Variants in ADARB2 observed in about 807,000 individuals in gnomAD.
The protein encoded by ADARB2 is inactive double-stranded RNA-specific editase B2.
Under a neutral mutation model 62.2 loss-of-function variants are expected in ADARB2, and 25 were observed. The ratio of observed to expected loss-of-function variants is 0.40; its 90% confidence interval spans 0.29 to 0.56. The LOEUF is 0.56. ADARB2 is among the 20% of genes least tolerant of loss of function. The pLI, the probability that ADARB2 is intolerant of heterozygous loss-of-function variation, is 0.43. For synonymous variants in ADARB2, 572 were observed against 500.8 expected (o/e 1.14, Z -1.90); for missense variants, 1,071 against 1,077.4 (o/e 0.99, Z 0.08).
In ADARB2 at chr10:1,466,459, C is replaced by T. The variant is rs571523955; in HGVS notation, c.101-87299G>A. Among the ~76,000 whole-genome samples, 47 of 152,192 alleles carry T rather than the reference C, an allele frequency of 3.1e-4. 1 individual carries two copies. The highest frequency in any genetic ancestry group is 2.2e-3 in the Admixed American group (34 of 15,280). Reference sequence around the variant, plus strand: ...GTATCTCCAGGATGTGGGCAGCTCTCTGAGCACACGGAGGTCCTTGCGACG... The same window carrying T: ...GTATCTCCAGGATGTGGGCAGCTCTTTGAGCACACGGAGGTCCTTGCGACG... On this transcript the variant is annotated intron_variant, in intron 1 of 9. Coordinates refer to ENST00000381312, the MANE Select transcript of ADARB2 (RefSeq NM_018702.4).
intron 3 of ADARB2, among the ~76,000 whole-genome samples, chr10:1,294,934 G>T (rs1831510679): frequency 1.3e-5 from 2 of 152,204 alleles, no homozygotes; most frequent in African/African-American, 4.8e-5. Flanking sequence ...GCCTGGGCTG[G>T]GGCCAGGATG....
intron 1 of ADARB2, among the ~76,000 whole-genome samples, chr10:1,380,997 T>C (rs1482471850): frequency 6.6e-6 from 1 of 152,270 alleles, no homozygotes; most frequent in Admixed American, 6.5e-5. Flanking sequence ...AATTGTAAGA[T>C]ATTTAAGGAT....
At chr10:1,505,575 G>A (rs1443005405) in intron 1 of ADARB2, among the ~76,000 whole-genome samples, 2 of 152,178 alleles carry the variant, frequency 1.3e-5, no homozygotes, top group East Asian at 3.9e-4. Context: ...CCCTGAGCCA[G>A]TTAGCCTCAC....
rs1834790324 is a variant in ADARB2, at chr10:1,699,236, GC to G, written c.100+37814del. Among the ~76,000 whole-genome samples the G allele has an allele frequency of 7.6e-5, 9 of 117,792 alleles. 1 individual carries two copies. The highest frequency in any genetic ancestry group is 1.3e-4 in the Non-Finnish European group (7 of 53,278). 77.3% of individuals were successfully genotyped at this position (117,792 alleles called of 152,430 possible). The stretch of plus-strand genomic sequence containing the variant: ...CACTCTACCAGGAGACCAGGCGCTC[GC>G]CAATACACTCAATCCCACTCCACCG... On this transcript the variant is annotated intron_variant, in intron 1 of 9. Coordinates refer to ENST00000381312, the MANE Select transcript of ADARB2 (RefSeq NM_018702.4).
At chr10:1,534,258 TC>T (rs1466153224) in intron 1 of ADARB2, among the ~76,000 whole-genome samples, 1 of 151,368 alleles carries the variant, frequency 6.6e-6, no homozygotes, top group Non-Finnish European at 1.5e-5. Flanking sequence ...TGCCTCAGCC[TC>T]CCAAGTAGCT....
chr10:1,723,598 T>A (rs9787605), intron 1 of ADARB2, among the ~76,000 whole-genome samples: 2 of 152,168 alleles, frequency 1.3e-5, no homozygotes, highest in Non-Finnish European at 2.9e-5. Context: ...GGAAAAGAAC[T>A]GTCAGCGAGA....
intron 1 of ADARB2, among the ~76,000 whole-genome samples, chr10:1,515,975 C>T (rs1266785112): frequency 2.0e-5 from 3 of 152,364 alleles, no homozygotes; most frequent in South Asian, 2.1e-4. Context: ...ATGTCTTCCA[C>T]GGCTGGGCTT....
At position 1,289,074 on chromosome 10, in the gene ADARB2, A is replaced by G. The variant is rs564951257; in HGVS notation, c.1078-18005T>C. Among the ~76,000 whole-genome samples the G allele has an allele frequency of 7.2e-5, 11 of 152,344 alleles. No individual in the cohort carries two copies. In the East Asian group the frequency reaches 2.1e-3, roughly 29 times the overall value. On this transcript the variant is annotated intron_variant, in intron 3 of 9. Transcript: ENST00000381312. The stretch of plus-strand genomic sequence containing the variant: ...CAAAGACCTGAGTCCGATGAGAAAC[A>G]GTGACCATCTGTTCCCTCCAAAGCC...
At chr10:1,187,796 C>T (rs1006288111) in intron 8 of ADARB2, 5 of 399,890 alleles carry the variant, frequency 1.3e-5, no homozygotes, top group Admixed American at 1.0e-4. Flanking sequence ...GAGGGAGGCG[C>T]TGGCGGGTGG....
intron 4 of ADARB2, among the ~76,000 whole-genome samples, chr10:1,265,200 AT>A (rs1831182327): frequency 6.6e-6 from 1 of 152,240 alleles, no homozygotes; most frequent in Non-Finnish European, 1.5e-5. Context: ...TGAAGTGTTA[AT>A]AAGAATTCCT....
rs1832890966 is a variant in ADARB2, at chr10:1,426,041, GACTCA to G, written c.101-46886_101-46882del. On this transcript the variant is annotated intron_variant, in intron 1 of 9. Coordinates refer to ENST00000381312, the MANE Select transcript of ADARB2 (RefSeq NM_018702.4). This position sits in a 1 kb window ranked among gnomAD's most constrained non-coding sequence, Gnocchi z 4.1. The stretch of plus-strand genomic sequence containing the variant: ...TCAGGAGGTTAGAGTTTCCTTCCTC[GACTCA>G]AGCAGTCATTCTGAGCATGTGGCAT... 6.6e-6 allele frequency among the ~76,000 whole-genome samples: 1 copy of G among 152,096 alleles called. No individual in the cohort carries two copies. Among genetic ancestry groups the G allele is most frequent in the Admixed American group, 6.5e-5 (1 of 15,274 alleles).
chr10:1,371,078 A>G (rs1375342510), intron 2 of ADARB2, among the ~76,000 whole-genome samples: 2 of 152,224 alleles, frequency 1.3e-5, no homozygotes, highest in Non-Finnish European at 2.9e-5. Context: ...TAAGAACAGG[A>G]TGGTATTGGT....
chr10:1,611,615 G>A (rs1169172667), intron 1 of ADARB2, among the ~76,000 whole-genome samples: 1 of 152,158 alleles, frequency 6.6e-6, no homozygotes, highest in Non-Finnish European at 1.5e-5. Flanking sequence ...AACAGGGCAC[G>A]GTGCCCCCAT....
intron 1 of ADARB2, among the ~76,000 whole-genome samples, chr10:1,735,628 C>T (rs753003497): frequency 2.0e-5 from 3 of 152,304 alleles, no homozygotes; most frequent in South Asian, 2.1e-4. Context: ...CTTTGGAGGA[C>T]ACTAACAGGT....
At chr10:1,394,347 C>T (rs1211036523) in intron 1 of ADARB2, among the ~76,000 whole-genome samples, 2 of 152,206 alleles carry the variant, frequency 1.3e-5, no homozygotes, top group East Asian at 3.8e-4. Context: ...AGCCTCAAGG[C>T]CCGCGGGTCA....
chr10:1,222,194 T>C (rs1830701158), intron 6 of ADARB2, among the ~76,000 whole-genome samples: 1 of 152,240 alleles, frequency 6.6e-6, no homozygotes, highest in Non-Finnish European at 1.5e-5. Context: ...TTCATGTGTC[T>C]TTTGGCTGCA....
At chr10:1,476,762 G>A (rs572912900) in intron 1 of ADARB2, among the ~76,000 whole-genome samples, 2 of 152,306 alleles carry the variant, frequency 1.3e-5, no homozygotes, top group Admixed American at 6.5e-5. Flanking sequence ...GGGAGGCAGA[G>A]GCGTCCCCGT....
chr10:1,389,784 T>TAAATAATA (rs869033698), intron 1 of ADARB2, among the ~76,000 whole-genome samples: 2 of 146,766 alleles, frequency 1.4e-5, no homozygotes, highest in African/African-American at 5.1e-5. Flanking sequence ...AATAAATAAA[T>TAAATAATA]AATAAATAAA....
chr10:1,361,097 T>A (rs1250822450), intron 3 of ADARB2: 1 of 152,172 alleles, frequency 6.6e-6, no homozygotes, highest in East Asian at 1.9e-4. Flanking sequence ...GTGGTGGGGC[T>A]TCTCAGAGGA....
Sources: gnomAD v4.1 joint callset for allele counts (sites outside exome capture counted in the v4.1 genomes callset) on GRCh38, gnomAD v4.1.1 for gene constraint, Gnocchi (gnomAD v3.1) non-coding constraint, MANE v1.5 for transcripts, NCBI Gene and HGNC (gene_info 2026-07-23, HGNC 2026-07-21) for gene names.